The following PRELID2 variants were observed in gnomAD, a reference collection of about 807,000 sequenced individuals.
PRELID2 encodes the protein PRELI domain containing 2, also known as PRELI domain-containing protein 2.
In PRELID2, 25 loss-of-function variants were observed where a neutral mutation model predicts 28.4. That is an observed-to-expected ratio of 0.88 (90% CI 0.64 to 1.23). PRELID2 has a LOEUF of 1.23. Among genes scored for constraint, PRELID2 ranks in the 50% most tolerant of loss-of-function variants. PRELID2 has a pLI of 0.00. For synonymous variants in PRELID2, 76 were observed against 71.6 expected (o/e 1.06, Z -0.31); for missense variants, 201 against 214.4 (o/e 0.94, Z 0.39).
the PRELID2 span, among the ~76,000 whole-genome samples, chr5:145,442,546 C>G: frequency 6.6e-6 from 1 of 151,996 alleles, no homozygotes; most frequent in African/African-American, 2.4e-5. Flanking sequence ...GCCTTTTGGT[C>G]TCGCAGTGCC....
At chr5:145,629,563 A>G (rs1013690826) in intron 1 of PRELID2, among the ~76,000 whole-genome samples, 2 of 152,176 alleles carry the variant, frequency 1.3e-5, no homozygotes, top group Admixed American at 1.3e-4. Flanking sequence ...CACAATGATG[A>G]TAATAACAAT....
At chr5:145,280,307 T>C in the PRELID2 span, among the ~76,000 whole-genome samples, 1 of 152,274 alleles carries the variant, frequency 6.6e-6, no homozygotes, top group African/African-American at 2.4e-5. Context: ...GGCTAGAAGA[T>C]AAATGTGACA....
chr5:145,494,901 C>A (rs1306112129), intron 1 of PRELID2, among the ~76,000 whole-genome samples: 5 of 152,222 alleles, frequency 3.3e-5, no homozygotes, highest in African/African-American at 1.2e-4. Context: ...TTTACGATTC[C>A]TAATTCAGAT....
At chr5:145,352,006 G>A in the PRELID2 span, among the ~76,000 whole-genome samples, 24 of 152,174 alleles carry the variant, frequency 1.6e-4, no homozygotes, top group African/African-American at 5.8e-4. Flanking sequence ...GCTTTGCAGG[G>A]TACAACCCCC....
chr5:145,742,100 AT>A lies in PRELID2; in HGVS notation n.70+22830del, dbSNP rs1345971902. 3.3e-3 allele frequency among the ~76,000 whole-genome samples: 421 copies of A among 127,984 alleles called. 1 individual carries two copies. Among genetic ancestry groups the A allele is most frequent in the Non-Finnish European group, 5.3e-3 (338 of 63,920 alleles). The allele number at this position is 127,984 out of a possible 152,430, so 84.0% of individuals were successfully genotyped here. Reference sequence around the variant, plus strand: ...CGTAATTATATATTTATAATTACATATAATTATATATAAATAAAATTTATTA... The same window carrying A: ...CGTAATTATATATTTATAATTACATAAATTATATATAAATAAAATTTATTA... On this transcript the variant is annotated intron_variant and non_coding_transcript_variant, in intron 1 of 2. Transcript: ENST00000510259.
At chr5:145,644,092 C>A (rs1754154600) in intron 1 of PRELID2, among the ~76,000 whole-genome samples, 1 of 152,106 alleles carries the variant, frequency 6.6e-6, no homozygotes, top group Non-Finnish European at 1.5e-5. Flanking sequence ...GGAATGATAC[C>A]AGCTCCTCTT....
At chr5:145,730,148 A>G (rs1318703330) in intron 1 of PRELID2, among the ~76,000 whole-genome samples, 1 of 152,098 alleles carries the variant, frequency 6.6e-6, no homozygotes, top group Non-Finnish European at 1.5e-5. Context: ...ACCCTTTAGC[A>G]CAGAGCTTAG....
At chr5:145,396,309 T>C in the PRELID2 span, among the ~76,000 whole-genome samples, 1 of 152,092 alleles carries the variant, frequency 6.6e-6, no homozygotes, top group African/African-American at 2.4e-5. Flanking sequence ...CTATTTGTTC[T>C]TCATAATCTC....
At chr5:145,493,394 G>C (rs1280257842) in intron 1 of PRELID2, among the ~76,000 whole-genome samples, 1 of 152,124 alleles carries the variant, frequency 6.6e-6, no homozygotes, top group Admixed American at 6.5e-5. Flanking sequence ...GGCTTTCACA[G>C]ACCACCAACT....
intron 1 of PRELID2, among the ~76,000 whole-genome samples, chr5:145,540,825 T>C (rs1216255722): frequency 6.6e-6 from 1 of 151,910 alleles, no homozygotes; most frequent in African/African-American, 2.4e-5. Context: ...TAAAAAGGCA[T>C]TTTTGAGACA....
chr5:145,476,206 T>C (rs377376461), intron 1 of PRELID2, among the ~76,000 whole-genome samples: 12 of 152,324 alleles, frequency 7.9e-5, no homozygotes, highest in East Asian at 1.9e-4. Flanking sequence ...AAGGTCTAGA[T>C]GTGGATTTAT....
At chr5:145,614,962 GATTT>G (rs1259686546) in intron 1 of PRELID2, among the ~76,000 whole-genome samples, 1 of 152,156 alleles carries the variant, frequency 6.6e-6, no homozygotes, top group Non-Finnish European at 1.5e-5. Context: ...TTTCTTTGTT[GATTT>G]TCTGTCTTGA....
chr5:145,641,826 C>T lies in PRELID2; in HGVS notation n.70+123105G>A, dbSNP rs144213003. ...TGACGGTTTCCAGCTTCATCTATGT[C>T]CCTGCAAAGGACATGAACTCATCCT... On this transcript the variant is annotated intron_variant and non_coding_transcript_variant, in intron 1 of 2. Transcript: ENST00000510259. 5.9e-3 allele frequency among the ~76,000 whole-genome samples: 903 copies of T among 152,308 alleles called. 12 individuals are homozygous for T. Among genetic ancestry groups the T allele is most frequent in the African/African-American group, 0.02 (836 of 41,562 alleles).
chr5:145,383,896 A>ATG, the PRELID2 span, among the ~76,000 whole-genome samples: 1 of 151,882 alleles, frequency 6.6e-6, no homozygotes, highest in Admixed American at 6.6e-5. Flanking sequence ...GTATATATAT[A>ATG]TGTGTGTGTG....
chr5:145,300,858 C>T, the PRELID2 span, among the ~76,000 whole-genome samples: 64 of 151,384 alleles, frequency 4.2e-4, no homozygotes, highest in Non-Finnish European at 7.7e-4. Context: ...GTCTTCTATT[C>T]GATTTTGTTT....
chr5:145,809,783 G>A (rs1430382339), intron 4 of PRELID2, among the ~76,000 whole-genome samples: 1 of 152,194 alleles, frequency 6.6e-6, no homozygotes, highest in Non-Finnish European at 1.5e-5. Flanking sequence ...GAAGATACCA[G>A]AAAGTTTTTA....
At chr5:145,628,364 T>C (rs1401636088) in intron 1 of PRELID2, among the ~76,000 whole-genome samples, 2 of 152,124 alleles carry the variant, frequency 1.3e-5, no homozygotes, top group Non-Finnish European at 2.9e-5. Flanking sequence ...CACTCTGTCA[T>C]CCAGGCTGGA....
At chr5:145,808,202 C>T (rs1273466477) in intron 4 of PRELID2, among the ~76,000 whole-genome samples, 1 of 152,106 alleles carries the variant, frequency 6.6e-6, no homozygotes, top group Non-Finnish European at 1.5e-5. Flanking sequence ...CCCTTTAGCT[C>T]CAGGACTGGG....
At chr5:145,700,590 C>CT (rs1755383174) in intron 1 of PRELID2, among the ~76,000 whole-genome samples, 1 of 152,132 alleles carries the variant, frequency 6.6e-6, no homozygotes, top group African/African-American at 2.4e-5. Context: ...GGTATCATTT[C>CT]TTATTGGTAG....
Sources: allele counts gnomAD v4.1 joint callset (sites outside exome capture counted in the v4.1 genomes callset), GRCh38; gene constraint gnomAD v4.1.1; transcripts MANE v1.5; gene names NCBI Gene and HGNC (gene_info 2026-07-23, HGNC 2026-07-21).